MICAL2: variants seen among roughly 807,000 people sequenced by gnomAD.
MICAL2 encodes microtubule associated monooxygenase, calponin and LIM domain containing 2.
Under a neutral mutation model 127.3 loss-of-function variants are expected in MICAL2, and 77 were observed. That is an observed-to-expected ratio of 0.60 (90% CI 0.50 to 0.73). The LOEUF (loss-of-function observed/expected upper bound fraction) is 0.73. MICAL2 is among the 30% of genes least tolerant of loss of function. The pLI is 0.00. For synonymous variants in MICAL2, 570 were observed against 551.1 expected (o/e 1.03, Z -0.48); for missense variants, 1,351 against 1,434.4 (o/e 0.94, Z 0.94).
At chr11:12,284,180 G>A in intron 2 of MICAL2, among the ~76,000 whole-genome samples, 1 of 152,160 alleles carries the variant, frequency 6.6e-6, no homozygotes. Flanking sequence ...AGAACAACCT[G>A]CCCCGAATTA....
In MICAL2 at chr11:12,220,478, C is replaced by G. The variant is rs758854215; in HGVS notation, c.1206+20C>G. ...CTTGAGGTACTGCCTGAGCTCGGAG[C>G]CCCCATGTTTCTCTGCGAGACAGAT... On this transcript the variant is annotated intron_variant, in intron 9 of 27. Transcript: ENST00000683283. The G allele has an allele frequency of 1.7e-5, 27 of 1,601,658 alleles. No homozygotes were observed. The highest frequency in any genetic ancestry group is 2.3e-5 in the Non-Finnish European group (27 of 1,178,706).
upstream of MICAL2, among the ~76,000 whole-genome samples, chr11:12,274,062 T>C (rs1863699937): frequency 1.3e-5 from 2 of 152,088 alleles, no homozygotes; most frequent in South Asian, 2.1e-4. Context: ...AAACAAGTTT[T>C]CTTAAGACAG....
chr11:12,242,852 C>A, intron 20 of MICAL2, 80 bp downstream of exon 20: 2 of 974,232 alleles, frequency 2.1e-6, no homozygotes, highest in Non-Finnish European at 3.0e-6. Context: ...GCTCTGAGCT[C>A]AATTTTCTCC....
chr11:12,278,851 T>G (rs1311592813), intron 1 of MICAL2, among the ~76,000 whole-genome samples: 5 of 152,154 alleles, frequency 3.3e-5, no homozygotes, highest in African/African-American at 1.2e-4. Context: ...AAGGTGCACG[T>G]TAGTGGAGAA....
At chr11:12,320,280 G>A (rs954092162) in intron 30 of MICAL2, among the ~76,000 whole-genome samples, 1 of 152,202 alleles carries the variant, frequency 6.6e-6, no homozygotes, top group Non-Finnish European at 1.5e-5. Flanking sequence ...AAAGATCTCT[G>A]CTGTGGAAGG....
chr11:12,259,617 G>A lies in MICAL2; in HGVS notation c.3232-178G>A, dbSNP rs946447066. On this transcript the variant is annotated intron_variant, in intron 25 of 27. Transcript: ENST00000683283. ...AGGCTCGTGACTCCTATGGTCAGTT[G>A]GCCCCTAGAAAAGTGCCCGTGTTCA... 7.8e-6 allele frequency: 4 copies of A among 511,670 alleles called. No homozygotes were observed. The East Asian group carries it at 1.3e-4, about 16-fold the overall frequency. 31.7% of individuals were successfully genotyped at this position (511,670 alleles called of 1,614,324 possible). A position where few individuals can be genotyped will look rare whatever the true frequency, so the allele number is the denominator to read the frequency against.
chr11:12,313,094 A>C (rs980813231), intron 29 of MICAL2, among the ~76,000 whole-genome samples: 1 of 141,250 alleles, frequency 7.1e-6, no homozygotes, highest in Non-Finnish European at 1.5e-5. Context: ...CGTGAACCGG[A>C]GAGGCGGAGC....
At chr11:12,180,168 T>C (rs1857266470) in intron 3 of MICAL2, among the ~76,000 whole-genome samples, 1 of 152,066 alleles carries the variant, frequency 6.6e-6, no homozygotes, top group Non-Finnish European at 1.5e-5. Context: ...TTGTATTGTC[T>C]ACTTGGCCTT....
At chr11:12,214,158 C>T (rs1190387799) in intron 7 of MICAL2, among the ~76,000 whole-genome samples, 20 of 152,086 alleles carry the variant, frequency 1.3e-4, no homozygotes, top group Non-Finnish European at 2.2e-4. Flanking sequence ...CAGAGAAAAA[C>T]AGGGTGAGGG....
At chr11:12,135,698 G>C (rs949534332) in intron 1 of MICAL2, among the ~76,000 whole-genome samples, 2 of 152,162 alleles carry the variant, frequency 1.3e-5, no homozygotes, top group Non-Finnish European at 2.9e-5. Context: ...TGATCATAGG[G>C]CCCAAGTTCT....
intron 2 of MICAL2, among the ~76,000 whole-genome samples, chr11:12,160,674 C>A (rs370110676): frequency 6.6e-6 from 1 of 152,156 alleles, no homozygotes; most frequent in African/African-American, 2.4e-5. Context: ...CTCTTGTGGC[C>A]CCTCTGGACT....
At chr11:12,330,900 A>AGAGAGTGTGT (rs1238311364) in intron 32 of MICAL2, among the ~76,000 whole-genome samples, 15 of 119,444 alleles carry the variant, frequency 1.3e-4, no homozygotes, top group Admixed American at 1.1e-3. Context: ...AGAGAGAGAG[A>AGAGAGTGTGT]GTGTGTGTGT....
intron 29 of MICAL2, among the ~76,000 whole-genome samples, chr11:12,314,612 G>T (rs1255480821): frequency 6.7e-6 from 1 of 150,152 alleles, no homozygotes; most frequent in Admixed American, 6.6e-5. Flanking sequence ...CCGAGTAGCT[G>T]GGACTACAGG....
chr11:12,291,955 C>T (rs567362744), downstream of MICAL2, among the ~76,000 whole-genome samples: 7 of 152,188 alleles, frequency 4.6e-5, no homozygotes, highest in Non-Finnish European at 7.4e-5. Context: ...CTTTGCCCCA[C>T]GGGACCCTGC....
chr11:12,235,941 T>C (rs1337650989), intron 15 of MICAL2, among the ~76,000 whole-genome samples: 1 of 152,216 alleles, frequency 6.6e-6, no homozygotes, highest in African/African-American at 2.4e-5. Context: ...GACGAAGCCT[T>C]GGCTCCCTAG....
chr11:12,216,889 A>AGCAAAC (rs1224516010), intron 8 of MICAL2, among the ~76,000 whole-genome samples: 4 of 152,190 alleles, frequency 2.6e-5, no homozygotes, highest in Admixed American at 6.5e-5. Context: ...TCTTGGAAGG[A>AGCAAAC]GCAAACAGAA....
At chr11:12,135,506 G>A (rs1851765296) in intron 1 of MICAL2, among the ~76,000 whole-genome samples, 1 of 152,170 alleles carries the variant, frequency 6.6e-6, no homozygotes, top group Non-Finnish European at 1.5e-5. Flanking sequence ...CTCTGAGCAA[G>A]CAATGGGCTA....
intron 3 of MICAL2, among the ~76,000 whole-genome samples, chr11:12,169,300 G>C (rs2133863025): frequency 6.6e-6 from 1 of 152,264 alleles, no homozygotes; most frequent in East Asian, 1.9e-4. Flanking sequence ...CTTTATCTCA[G>C]TAGGTGTGGA....
At chr11:12,319,635 T>C (rs1864269420) in intron 29 of MICAL2, 1 of 1,238,058 alleles carries the variant, frequency 8.1e-7, no homozygotes, top group East Asian at 2.3e-5. Context: ...AGCAGCAGCT[T>C]TGGTTCATAA....
Sources: allele counts gnomAD v4.1 joint callset (sites outside exome capture counted in the v4.1 genomes callset), GRCh38; gene constraint gnomAD v4.1.1; transcripts MANE v1.5; gene names NCBI Gene and HGNC (gene_info 2026-07-23, HGNC 2026-07-21).